Variants in CORIN observed in about 807,000 individuals in gnomAD.
CORIN encodes corin, serine peptidase.
Under a neutral mutation model 125.3 loss-of-function variants are expected in CORIN, and 117 were observed. That is an observed-to-expected ratio of 0.93 (90% confidence interval 0.80 to 1.09). CORIN has a LOEUF of 1.09. Ranked by LOEUF, CORIN falls within the 50% of genes least tolerant of loss-of-function variation. The pLI is 0.00. For missense variants in CORIN, 1,253 were observed against 1,306.7 expected, an observed-to-expected ratio of 0.96 and a Z score of 0.63; for synonymous variants, 450 against 466.4, an observed-to-expected ratio of 0.96 and a Z score of 0.45.
chr4:47,603,351 G>A (rs751911873), intron 20 of CORIN, 46 bp downstream of exon 20: 1 of 1,575,830 alleles, frequency 6.3e-7, no homozygotes, highest in Non-Finnish European at 8.7e-7. Context: ...CCACTCTCAG[G>A]TATGTGCTTA....
intron 19 of CORIN, among the ~76,000 whole-genome samples, chr4:47,605,263 C>T (rs1721606104): frequency 6.6e-6 from 1 of 152,166 alleles, no homozygotes; most frequent in Non-Finnish European, 1.5e-5. Context: ...GTCTTGGCCC[C>T]TAGAATATAG....
At chr4:47,706,250 G>A in intron 5 of CORIN, 1 of 643,150 alleles carries the variant, frequency 1.6e-6, no homozygotes, top group Non-Finnish European at 2.7e-6. Flanking sequence ...CTTCACAGCT[G>A]TAGAAAAGTT....
At chr4:47,688,340 C>T (rs993076953) in intron 6 of CORIN, among the ~76,000 whole-genome samples, 10 of 152,124 alleles carry the variant, frequency 6.6e-5, no homozygotes, top group African/African-American at 1.2e-4. Context: ...TGGTTCACGC[C>T]GGTAATCCTA....
At chr4:47,643,445 T>C (rs914719793) in intron 14 of CORIN, among the ~76,000 whole-genome samples, 189 bp from the exon 15 acceptor site, 1 of 152,154 alleles carries the variant, frequency 6.6e-6, no homozygotes, top group Non-Finnish European at 1.5e-5. Context: ...CATCAATACA[T>C]ACAAAGAGCA....
chr4:47,606,369 C>T (rs1014441352), intron 19 of CORIN, among the ~76,000 whole-genome samples: 5 of 152,134 alleles, frequency 3.3e-5, no homozygotes, highest in Non-Finnish European at 7.3e-5. Flanking sequence ...CCACTGGCCT[C>T]AGCCCCCCAC....
chr4:47,665,478 C>T lies in CORIN; in HGVS notation c.1358-215G>A, dbSNP rs572071433. On this transcript the variant is annotated intron_variant, in intron 10 of 21. Transcript: ENST00000273857. ...AGATTCATTTCTGTATATGTAGTTG[C>T]TAGCACTGTGACAACATCTTGCTTT... Among the ~76,000 whole-genome samples, 5 of 152,242 alleles carry T rather than the reference C, an allele frequency of 3.3e-5. No individual in the cohort carries two copies. In the South Asian group the frequency reaches 8.3e-4, roughly 25 times the overall value.
chr4:47,784,079 C>A (rs143429817), intron 3 of CORIN, among the ~76,000 whole-genome samples: 91 of 152,138 alleles, frequency 6.0e-4, no homozygotes, highest in African/African-American at 2.1e-3. Context: ...TTTCTCTAAG[C>A]CTCAAATTCA....
At chr4:47,725,677 T>A (rs938697958) in intron 5 of CORIN, among the ~76,000 whole-genome samples, 1 of 152,110 alleles carries the variant, frequency 6.6e-6, no homozygotes, top group Non-Finnish European at 1.5e-5. Context: ...GGAGAAATTA[T>A]GAAGGAAAAT....
chr4:47,783,904 T>C (rs1317091767), intron 3 of CORIN, among the ~76,000 whole-genome samples: 2 of 152,036 alleles, frequency 1.3e-5, no homozygotes, highest in African/African-American at 2.4e-5. Flanking sequence ...CTCTTTCTTC[T>C]CTCCCAGAAC....
chr4:47,773,753 T>C (rs182232275), intron 3 of CORIN, among the ~76,000 whole-genome samples: 210 of 152,090 alleles, frequency 1.4e-3, no homozygotes, highest in Admixed American at 2.1e-3. Flanking sequence ...TTAATAAATA[T>C]ACCTTTTATA....
At position 47,641,951 on chromosome 4, in the gene CORIN, T is replaced by C. The variant is rs1228315257; in HGVS notation, c.2167A>G (p.Ser723Gly). 3.1e-6 allele frequency: 5 copies of C among 1,613,462 alleles called. No homozygotes were observed. In the African/African-American group the frequency reaches 5.3e-5, roughly 17 times the overall value. Reference sequence around the variant, plus strand: ...CCCATCTGCTTGCAGGCCAGCTGACTCAATATCTCCTGCCAGCCATCTGCA... The same window carrying C: ...CCCATCTGCTTGCAGGCCAGCTGACCCAATATCTCCTGCCAGCCATCTGCA... Reference protein sequence around the residue: ...VCADGWQEILSQLACKQMGLG... With the variant: ...VCADGWQEILGQLACKQMGLG... The change falls in exon 16 of 22, where the codon AGT becomes GGT. Residue 723 changes from serine (S) to glycine (G), a missense_variant. Transcript: ENST00000273857.
intron 3 of CORIN, among the ~76,000 whole-genome samples, chr4:47,783,042 T>C (rs763166512): frequency 6.6e-6 from 1 of 152,152 alleles, no homozygotes; most frequent in Non-Finnish European, 1.5e-5. Context: ...CTTTAAGCTT[T>C]CAGCACATCA....
intron 20 of CORIN, among the ~76,000 whole-genome samples, chr4:47,602,724 T>C (rs1438347081): frequency 6.6e-6 from 1 of 152,176 alleles, no homozygotes; most frequent in Non-Finnish European, 1.5e-5. Flanking sequence ...TGAGATTGCA[T>C]CTGAGCTTGG....
At chr4:47,722,513 A>T (rs569865902) in intron 5 of CORIN, among the ~76,000 whole-genome samples, 44 of 152,334 alleles carry the variant, frequency 2.9e-4, no homozygotes. Context: ...TAGACAATTT[A>T]AAATATCTTC....
intron 12 of CORIN, among the ~76,000 whole-genome samples, chr4:47,654,613 A>G (rs543271838): frequency 6.6e-6 from 1 of 152,334 alleles, no homozygotes; most frequent in African/African-American, 2.4e-5. Flanking sequence ...GCATGGAGGG[A>G]GCATTTAGAT....
chr4:47,706,582 C>T (rs952233890), intron 5 of CORIN: 4 of 1,605,830 alleles, frequency 2.5e-6, no homozygotes, highest in Non-Finnish European at 2.6e-6. Context: ...CCGTGGTGGC[C>T]GAAAACGCCC....
chr4:47,656,486 A>G (rs919814457), intron 12 of CORIN, among the ~76,000 whole-genome samples: 2 of 152,194 alleles, frequency 1.3e-5, no homozygotes, highest in African/African-American at 2.4e-5. Context: ...GTGATGTAAC[A>G]TATGCAAATC....
At chr4:47,600,419 CAAATATGAAATGCAAATATAATAT>C in intron 20 of CORIN, 72 bp from the exon 21 acceptor site, 1 of 999,514 alleles carries the variant, frequency 1.0e-6, no homozygotes, top group Non-Finnish European at 1.4e-6. Flanking sequence ...TGAGGCTAGC[CAAATATGAAATGCAAATATAATAT>C]AAATATTTTT....
At chr4:47,806,795 T>C in intron 2 of CORIN, 108 bp downstream of exon 2, 2 of 1,159,600 alleles carry the variant, frequency 1.7e-6, no homozygotes, top group Non-Finnish European at 1.2e-6. Context: ...GATAATCCTC[T>C]CATTGACTGA....
Sources: gnomAD v4.1 joint callset for allele counts (sites outside exome capture counted in the v4.1 genomes callset) on GRCh38, gnomAD v4.1.1 for gene constraint, MANE v1.5 for transcripts, NCBI Gene and HGNC (gene_info 2026-07-23, HGNC 2026-07-21) for gene names.